ODAD1: variants seen among roughly 807,000 people sequenced by gnomAD.
ODAD1 encodes the protein outer dynein arm-docking complex subunit 1.
In ODAD1, 49 loss-of-function variants were observed where a neutral mutation model predicts 67.2. That is an observed-to-expected ratio of 0.73 (90% CI 0.58 to 0.92). The LOEUF (loss-of-function observed/expected upper bound fraction) is 0.92, where lower values mean the gene tolerates loss of function less well. Among genes scored for constraint, ODAD1 ranks in the 40% least tolerant of loss-of-function variants. The pLI is 0.00. For synonymous variants in ODAD1, 345 were observed against 393.7 expected, an observed-to-expected ratio of 0.88 and a Z score of 1.46; for missense variants, 897 against 953.7, an observed-to-expected ratio of 0.94 and a Z score of 0.78.
At chr19:48,298,367 G>A in intron 12 of ODAD1, 27 bp from the exon 13 acceptor site, 1 of 1,611,962 alleles carries the variant, frequency 6.2e-7, no homozygotes, top group Non-Finnish European at 8.5e-7. Context: ...CGGTTGTCAG[G>A]GATCTGGCAC....
chr19:48,313,426 C>T (rs1424675814), intron 5 of ODAD1, among the ~76,000 whole-genome samples: 1 of 30,038 alleles, frequency 3.3e-5, no homozygotes, highest in Non-Finnish European at 6.7e-5. Context: ...GACTCCATCT[C>T]AAAAAAAAAA....
In ODAD1 at chr19:48,318,068, G is replaced by A. The variant is rs373863571; in HGVS notation, c.360+319C>T. The stretch of plus-strand genomic sequence containing the variant: ...AGCCTGGGCGACAGAGCAAGACTCC[G>A]TCTCAAAAACAAAACAAAAGAAAAA... On this transcript the variant is annotated intron_variant, in intron 5 of 15. Transcript: ENST00000674294. Among the ~76,000 whole-genome samples, 554 of 152,116 alleles carry A rather than the reference G, an allele frequency of 3.6e-3. 1 individual carries two copies. Among genetic ancestry groups the A allele is most frequent in the Non-Finnish European group, 6.5e-3 (442 of 67,964 alleles).
intron 7 of ODAD1, among the ~76,000 whole-genome samples, chr19:48,309,516 C>T (rs1305927662): frequency 6.6e-6 from 1 of 152,116 alleles, no homozygotes; most frequent in African/African-American, 2.4e-5. Flanking sequence ...GGAGCTGCCC[C>T]CTGCAGGTCT....
chr19:48,314,003 G>A (rs1968836371), intron 5 of ODAD1, among the ~76,000 whole-genome samples: 1 of 152,194 alleles, frequency 6.6e-6, no homozygotes, highest in Admixed American at 6.5e-5. Context: ...AACACTTTCG[G>A]AGGCTGAGAT....
chr19:48,297,093 T>C lies in ODAD1; in HGVS notation c.2007A>G (p.Gly669=), dbSNP rs1451743949. 1.9e-6 allele frequency: 3 copies of C among 1,613,276 alleles called. No individual in the cohort carries two copies. The highest frequency in any genetic ancestry group is 1.3e-5 in the African/African-American group (1 of 74,872). ...CTCCGCTCGAATCAGACGCTGTGCC[T>C]CCGCTCTCCACACCACCCTCTGTGT... ...GENTEGGVES[G]GTASDSSGGL... Residue 669 remains glycine (G), a synonymous_variant, in exon 16 of 16, where the codon GGA becomes GGG. Coordinates refer to ENST00000674294, the MANE Select transcript of ODAD1 (RefSeq NM_001364171.2).
intron 8 of ODAD1, among the ~76,000 whole-genome samples, chr19:48,305,144 A>G (rs1334777266): frequency 6.6e-6 from 1 of 152,210 alleles, no homozygotes; most frequent in Non-Finnish European, 1.5e-5. Flanking sequence ...GTAAGAAAGC[A>G]TTTGGAGCAA....
chr19:48,306,440 T>A, intron 7 of ODAD1, 117 bp from the exon 8 acceptor site: 4 of 793,948 alleles, frequency 5.0e-6, no homozygotes, highest in Non-Finnish European at 8.3e-6. Flanking sequence ...CTTCCAAATG[T>A]GGACCCTCCT....
chr19:48,301,600 G>C (rs1968464846), intron 12 of ODAD1, among the ~76,000 whole-genome samples: 1 of 152,198 alleles, frequency 6.6e-6, no homozygotes, highest in Non-Finnish European at 1.5e-5. Context: ...CTAAGACTAA[G>C]ACTAGGAAGA....
In ODAD1 at chr19:48,311,636, G is replaced by T; in HGVS notation, c.514C>A (p.Arg172=). ...AGCTCCTCCCGCAGGGCCGCATTCC[G>T]TACCAGCTGGTTGTCAAAGTGACAG... is the stretch of plus-strand genomic sequence containing the variant. ...VTCHFDNQLV[R]NAALREELDL... The change falls in exon 7 of 16, where the codon CGG becomes AGG. Residue 172 remains arginine (R), a synonymous_variant. Coordinates refer to ENST00000674294, the MANE Select transcript of ODAD1 (RefSeq NM_001364171.2). 2 of 1,550,740 alleles carry T rather than the reference G, an allele frequency of 1.3e-6. No homozygotes were observed. The highest frequency in any genetic ancestry group is 1.7e-6 in the Non-Finnish European group (2 of 1,146,192).
rs755080005 is a variant in ODAD1 at position 48,296,967 on chromosome 19, C to T, written c.*9G>A. 1.3e-6 allele frequency: 2 copies of T among 1,582,488 alleles called. No homozygotes were observed. Among genetic ancestry groups the T allele is most frequent in the Admixed American group, 3.5e-5 (2 of 56,970 alleles). ...GCCAGGGCAGGGTGGGGGCTGCGTG[C>T]CCCTCGTGTTAGCCCCGGGAGTCTT... is the stretch of plus-strand genomic sequence containing the variant. On this transcript the variant is annotated 3_prime_UTR_variant, in exon 16 of 16. Transcript: ENST00000674294.
rs606231238 is a variant in ODAD1 at position 48,311,552 on chromosome 19, C to T, written c.597+1G>A. The T allele has an allele frequency of 3.0e-5, 46 of 1,538,010 alleles. No individual in the cohort carries two copies. Among genetic ancestry groups the T allele is most frequent in the Non-Finnish European group, 4.1e-5 (46 of 1,134,952 alleles). ...CTCCCCTGGATTTCAGGGCCACTGA[C>T]CTTCTTCAGCTTGCGGTCCACGTTC... On this transcript the variant is annotated splice_donor_variant, in intron 7 of 15. Coordinates refer to ENST00000674294, the MANE Select transcript of ODAD1 (RefSeq NM_001364171.2). LOFTEE classifies it high-confidence loss of function.
Position 48,298,220 on chromosome 19 carries a change from C to A in ODAD1, c.1361G>T (p.Arg454Leu). 1.9e-6 allele frequency: 3 copies of A among 1,613,948 alleles called. No individual in the cohort carries two copies. Among genetic ancestry groups the A allele is most frequent in the Non-Finnish European group, 2.5e-6 (3 of 1,180,034 alleles). ...CTGCACTGTCAGGAGCTCCACCAGC[C>A]GCTTCTCAATGAGGCTCAGGAAGAG... Reference protein sequence around the residue: ...MGLFLSLIEKRLVELLTVQAF... With the variant: ...MGLFLSLIEKLLVELLTVQAF... The change falls in exon 13 of 16, where the codon CGG (arginine) becomes CTG (leucine). Residue 454 changes from arginine to leucine, a missense_variant. Physicochemically the swap from Arg to Leu is moderately radical, Grantham distance 102 (BLOSUM62 -2). Transcript: ENST00000674294.
intron 12 of ODAD1, among the ~76,000 whole-genome samples, chr19:48,302,088 G>GGATGGATGGATGGATGGA (rs1569003319): frequency 6.9e-6 from 1 of 144,934 alleles, no homozygotes; most frequent in African/African-American, 2.5e-5. Flanking sequence ...GGATGGATGG[G>GGATGGATGGATGGATGGA]TGGATGAATG....
chr19:48,300,702 G>C (rs1040019580), intron 12 of ODAD1, among the ~76,000 whole-genome samples: 2 of 152,088 alleles, frequency 1.3e-5, no homozygotes, highest in African/African-American at 4.8e-5. Context: ...AAAAACAAGT[G>C]CACAAGATTG....
In ODAD1 at chr19:48,312,091, A is replaced by T. The variant is rs1968778598; in HGVS notation, c.386T>A (p.Phe129Tyr). ...KQIQEWETRI[F>Y]THSKNVRSPG... The stretch of plus-strand genomic sequence containing the variant: ...GGACCTGACATTCTTACTGTGGGTA[A>T]AGATCCGCGTCTCCCACTCCTGGAT... Residue 129 changes from phenylalanine (F) to tyrosine (Y), a missense_variant, in exon 6 of 16, where the codon TTT becomes TAT. Phe to Tyr is a conservative substitution (Grantham distance 22). Coordinates refer to ENST00000674294, the MANE Select transcript of ODAD1 (RefSeq NM_001364171.2). The T allele has an allele frequency of 1.3e-6, 2 of 1,551,216 alleles. No individual in the cohort carries two copies. Among genetic ancestry groups the T allele is most frequent in the South Asian group, 1.2e-5 (1 of 84,046 alleles).
chr19:48,304,295 G>T (rs145107907), intron 8 of ODAD1, among the ~76,000 whole-genome samples, 155 bp from the exon 9 acceptor site: 96 of 152,264 alleles, frequency 6.3e-4, no homozygotes, highest in African/African-American at 2.0e-3. Flanking sequence ...CACAGGAATG[G>T]GGCTGAATCA....
In ODAD1 at chr19:48,320,407, T is replaced by C. The variant is rs1969002789; in HGVS notation, c.-23-16A>G. The C allele has an allele frequency of 1.6e-6, 2 of 1,262,496 alleles. No individual in the cohort carries two copies. The highest frequency in any genetic ancestry group is 5.7e-5 in the East Asian group (1 of 17,410). The allele number at this position is 1,262,496 out of a possible 1,614,324, so 78.2% of individuals were successfully genotyped here. On this transcript the variant is annotated splice_polypyrimidine_tract_variant and intron_variant, in intron 2 of 15. Coordinates refer to ENST00000674294, the MANE Select transcript of ODAD1 (RefSeq NM_001364171.2). The stretch of plus-strand genomic sequence containing the variant: ...GGTGGGGCTCCTGTAGGGATGGACA[T>C]ATAAGACCCTTCAGACAGCAGGCGG...
At chr19:48,314,224 TACC>T (rs1968840729) in intron 5 of ODAD1, among the ~76,000 whole-genome samples, 1 of 152,016 alleles carries the variant, frequency 6.6e-6, no homozygotes, top group South Asian at 2.1e-4. Context: ...CAAGCCAAAG[TACC>T]CAAGACTGCC....
Position 48,303,786 on chromosome 19 carries a change from TA to T in ODAD1, c.854-3del. 1 of 1,606,008 alleles carries T rather than the reference TA, an allele frequency of 6.2e-7. No homozygotes were observed. The highest frequency in any genetic ancestry group is 8.5e-7 in the Non-Finnish European group (1 of 1,175,798). On this transcript the variant is annotated splice_region_variant and splice_polypyrimidine_tract_variant and intron_variant, in intron 9 of 15. Transcript: ENST00000674294. ...AGACGCCCTCGGCCACCTCCCCGGC[TA>T]GGGGAAGAGAGAACAGCAGGTCGGC...
Sources: gnomAD v4.1 joint callset for allele counts (sites outside exome capture counted in the v4.1 genomes callset) on GRCh38, gnomAD v4.1.1 for gene constraint, MANE v1.5 for transcripts, NCBI Gene and HGNC (gene_info 2026-07-23, HGNC 2026-07-21) for gene names.